CRACDL: variants seen among roughly 807,000 people sequenced by gnomAD.
CRACDL encodes CRACD-like protein.
Under a neutral mutation model 70.6 loss-of-function variants are expected in CRACDL, and 26 were observed. That is an observed-to-expected ratio of 0.37 (90% CI 0.27 to 0.51). The LOEUF is 0.51. CRACDL is among the 20% of genes least tolerant of loss of function. The probability of loss-of-function intolerance (pLI) is 0.94; values close to 1 mark genes in which losing one functional copy is unlikely to be tolerated. For missense variants in CRACDL, 1,283 were observed against 1,376.9 expected, an observed-to-expected ratio of 0.93 and a Z score of 1.08; for synonymous variants, 618 against 615.2, an observed-to-expected ratio of 1.00 and a Z score of -0.07.
At chr2:98,924,257 G>C (rs1168592362) in intron 1 of CRACDL, among the ~76,000 whole-genome samples, 3 of 152,130 alleles carry the variant, frequency 2.0e-5, no homozygotes, top group Non-Finnish European at 2.9e-5. Context: ...CCCTGGGCTG[G>C]AGCTGCCAGC....
intron 1 of CRACDL, among the ~76,000 whole-genome samples, chr2:98,848,567 T>G (rs1706353878): frequency 6.6e-6 from 1 of 152,214 alleles, no homozygotes; most frequent in Admixed American, 6.5e-5. Flanking sequence ...GCAAATTACT[T>G]ATCAAGCATG....
chr2:98,846,877 T>TCAC, intron 1 of CRACDL, 67 bp from the exon 2 acceptor site: 2 of 1,277,800 alleles, frequency 1.6e-6, no homozygotes, highest in Non-Finnish European at 2.3e-6. Flanking sequence ...AGTGAAATGG[T>TCAC]GTTCGTGACT....
chr2:98,813,884 T>G (rs1704674136), intron 7 of CRACDL, among the ~76,000 whole-genome samples: 1 of 152,242 alleles, frequency 6.6e-6, no homozygotes, highest in South Asian at 2.1e-4. Flanking sequence ...TTGATCACTT[T>G]AACAGATACA....
intron 1 of CRACDL, among the ~76,000 whole-genome samples, chr2:98,877,800 T>C (rs886504247): frequency 1.1e-4 from 17 of 152,078 alleles, no homozygotes; most frequent in African/African-American, 4.1e-4. Flanking sequence ...CCTCGGTTCA[T>C]AGTGTTTATA....
rs553317623 is a variant in CRACDL at position 98,866,201 on chromosome 2, T to C, written c.-10-19391A>G. On this transcript the variant is annotated intron_variant, in intron 1 of 9. Transcript: ENST00000397899. ...AAGCAAGAAGGGCGAGTAAAGGAACTTGGCTGGTCAGATTTGAAGTATCTT... is the reference window on the plus strand; with the variant it reads ...AAGCAAGAAGGGCGAGTAAAGGAACCTGGCTGGTCAGATTTGAAGTATCTT... 2.6e-5 allele frequency among the ~76,000 whole-genome samples: 4 copies of C among 152,348 alleles called. No individual in the cohort carries two copies. In the South Asian group the frequency reaches 8.3e-4, roughly 32 times the overall value.
At chr2:98,800,475 T>C (rs1262737289) in intron 7 of CRACDL, among the ~76,000 whole-genome samples, 1 of 152,144 alleles carries the variant, frequency 6.6e-6, no homozygotes, top group Non-Finnish European at 1.5e-5. Flanking sequence ...GGAGAATCAG[T>C]CTGACTGTAG....
At position 98,794,507 on chromosome 2, in the gene CRACDL, C is replaced by A. The variant is rs1703717813; in HGVS notation, c.*25G>T. 6.2e-7 allele frequency: 1 copy of A among 1,608,266 alleles called. No homozygotes were observed. The highest frequency in any genetic ancestry group is 8.5e-7 in the Non-Finnish European group (1 of 1,175,514). On this transcript the variant is annotated 3_prime_UTR_variant, in exon 10 of 10. Transcript: ENST00000397899. ...CTAAGTGGCTTGTCAGGGTAGTGGA[C>A]ATGCTTTATCAGCACACTGCCCACC...
At chr2:98,889,043 G>A (rs572003267) in intron 1 of CRACDL, among the ~76,000 whole-genome samples, 4 of 151,324 alleles carry the variant, frequency 2.6e-5, no homozygotes, top group South Asian at 2.1e-4. Flanking sequence ...CAAGGGAATC[G>A]CTTGAATCTG....
At chr2:98,821,292 TCC>T (rs770015702) in intron 7 of CRACDL, among the ~76,000 whole-genome samples, 35 of 152,276 alleles carry the variant, frequency 2.3e-4, no homozygotes, top group Non-Finnish European at 3.8e-4. Context: ...GCTCAAGCAA[TCC>T]TATTTCAGCC....
intron 1 of CRACDL, among the ~76,000 whole-genome samples, chr2:98,907,611 C>T (rs1708446501): frequency 6.6e-6 from 1 of 152,226 alleles, no homozygotes; most frequent in South Asian, 2.1e-4. Flanking sequence ...CTCTGCTTCC[C>T]TTGTACCTTG....
intron 1 of CRACDL, among the ~76,000 whole-genome samples, chr2:98,869,851 T>C (rs1416830341): frequency 6.6e-6 from 1 of 152,202 alleles, no homozygotes; most frequent in Non-Finnish European, 1.5e-5. Context: ...TGTTAACTGC[T>C]TTCCTGGGGC....
At chr2:98,819,815 CTTTTTTTTTT>C (rs34640405) in intron 7 of CRACDL, among the ~76,000 whole-genome samples, 3 of 99,026 alleles carry the variant, frequency 3.0e-5, no homozygotes, top group East Asian at 2.8e-4. Context: ...CTGAAACATT[CTTTTTTTTTT>C]TTTTTTTTTT....
intron 7 of CRACDL, among the ~76,000 whole-genome samples, chr2:98,821,238 AG>A (rs910862851): frequency 1.3e-5 from 2 of 152,206 alleles, no homozygotes; most frequent in African/African-American, 4.8e-5. Flanking sequence ...CCCAGGCTGG[AG>A]TGCATGGCAC....
chr2:98,905,419 G>A (rs558453832), intron 1 of CRACDL, among the ~76,000 whole-genome samples: 13 of 152,238 alleles, frequency 8.5e-5, no homozygotes, highest in African/African-American at 2.2e-4. Flanking sequence ...GCAGAACCAT[G>A]AGTCAAATAA....
intron 1 of CRACDL, among the ~76,000 whole-genome samples, chr2:98,866,042 C>T (rs1276649742): frequency 6.6e-6 from 1 of 152,086 alleles, no homozygotes; most frequent in African/African-American, 2.4e-5. Flanking sequence ...TCTCTGTCCT[C>T]TTGTCAGAAA....
chr2:98,796,376 G>T, intron 8 of CRACDL, 112 bp from the exon 9 acceptor site: 2 of 1,124,870 alleles, frequency 1.8e-6, no homozygotes, highest in Non-Finnish European at 2.6e-6. Flanking sequence ...TGCACTGCTG[G>T]CACTTTCTCG....
intron 1 of CRACDL, among the ~76,000 whole-genome samples, chr2:98,923,836 T>G (rs1708856997): frequency 6.6e-6 from 1 of 152,216 alleles, no homozygotes; most frequent in African/African-American, 2.4e-5. Context: ...AACTTCATAC[T>G]CAGAAAAACT....
At chr2:98,835,073 G>C (rs1705714754) in intron 3 of CRACDL, among the ~76,000 whole-genome samples, 1 of 152,068 alleles carries the variant, frequency 6.6e-6, no homozygotes, top group Admixed American at 6.5e-5. Flanking sequence ...ATATATGATA[G>C]GTTAAAGAAA....
chr2:98,798,677 GCTTTT>G (rs546974021), intron 7 of CRACDL, among the ~76,000 whole-genome samples: 235 of 151,410 alleles, frequency 1.6e-3, no homozygotes, highest in African/African-American at 2.1e-3. Flanking sequence ...TAAATAAGTG[GCTTTT>G]CTTTTCTTTT....
Sources: gnomAD v4.1 joint callset for allele counts (sites outside exome capture counted in the v4.1 genomes callset) on GRCh38, gnomAD v4.1.1 for gene constraint, MANE v1.5 for transcripts, NCBI Gene and HGNC (gene_info 2026-07-23, HGNC 2026-07-21) for gene names.